TIGIT: variants seen among roughly 807,000 people sequenced by gnomAD.
TIGIT encodes the protein T-cell immunoreceptor with Ig and ITIM domains.
A neutral mutation model predicts 19.6 loss-of-function variants in TIGIT; 11 were observed. That is an observed-to-expected ratio of 0.56 (90% confidence interval 0.35 to 0.93). The LOEUF (loss-of-function observed/expected upper bound fraction) is 0.93, where lower values mean the gene tolerates loss of function less well. Ranked by LOEUF, TIGIT falls within the 40% of genes least tolerant of loss-of-function variation. The pLI, the probability that TIGIT is intolerant of heterozygous loss-of-function variation, is 0.01. For synonymous variants in TIGIT, 130 were observed against 125.5 expected, an observed-to-expected ratio of 1.04 and a Z score of -0.24; for missense variants, 295 against 303.9, an observed-to-expected ratio of 0.97 and a Z score of 0.22.
At chr3:114,294,468 G>A (rs1026166451) in intron 1 of TIGIT, among the ~76,000 whole-genome samples, 30 of 152,254 alleles carry the variant, frequency 2.0e-4, no homozygotes, top group Admixed American at 1.8e-3. Flanking sequence ...CTTTTCTGTT[G>A]CCTTTCAGGA....
intron 3 of TIGIT, among the ~76,000 whole-genome samples, chr3:114,306,080 G>C (rs1257142931): frequency 1.3e-5 from 2 of 152,068 alleles, no homozygotes; most frequent in African/African-American, 4.8e-5. Context: ...AAGGCTAAGG[G>C]CCTGAAAACC....
chr3:114,303,558 T>C (rs1166945275), intron 3 of TIGIT, among the ~76,000 whole-genome samples: 11 of 5,792 alleles, frequency 1.9e-3, no homozygotes, highest in Non-Finnish European at 6.0e-3. Flanking sequence ...TATGTATATA[T>C]ATATACATAT....
intron 3 of TIGIT, among the ~76,000 whole-genome samples, 155 bp downstream of exon 3, chr3:114,299,858 C>A (rs2078481486): frequency 6.6e-6 from 1 of 152,158 alleles, no homozygotes; most frequent in African/African-American, 2.4e-5. Context: ...CCTATTAGTG[C>A]AGTTATTTAT....
chr3:114,295,415 A>G (rs1228630967), intron 1 of TIGIT, 130 bp from the exon 2 acceptor site: 9 of 716,786 alleles, frequency 1.3e-5, no homozygotes, highest in African/African-American at 1.2e-4. Flanking sequence ...ATGGAGGAGC[A>G]ACAGGATGGA....
chr3:114,299,561 C>A, intron 2 of TIGIT, 36 bp from the exon 3 acceptor site: 1 of 1,512,734 alleles, frequency 6.6e-7, no homozygotes, highest in Non-Finnish European at 9.2e-7. Flanking sequence ...TCACTTCTGG[C>A]TTCTGCCACT....
Position 114,308,966 on chromosome 3 carries a change from A to G in TIGIT, c.*835A>G, listed in dbSNP as rs1453599946. The stretch of plus-strand genomic sequence containing the variant: ...TTCAAGTTTCCTTTTGCTGTGACAT[A>G]CTCATCCATTAGACAGCCTGATACA... On this transcript the variant is annotated 3_prime_UTR_variant, in exon 4 of 4. Coordinates refer to ENST00000383671, the MANE Select transcript of TIGIT (RefSeq NM_173799.4). 6.6e-6 allele frequency: 1 copy of G among 152,092 alleles called. No individual in the cohort carries two copies. Among genetic ancestry groups the G allele is most frequent in the Non-Finnish European group, 1.5e-5 (1 of 68,028 alleles). 9.4% of individuals were successfully genotyped at this position (152,092 alleles called of 1,614,324 possible).
chr3:114,294,219 G>A, intron 1 of TIGIT, 97 bp downstream of exon 1: 1 of 899,022 alleles, frequency 1.1e-6, no homozygotes. Context: ...CCAAGAGCAT[G>A]CCACAGCTGC....
rs2078549766 is a variant in TIGIT at position 114,308,341 on chromosome 3, G to C, written c.*210G>C. On this transcript the variant is annotated 3_prime_UTR_variant, in exon 4 of 4. Transcript: ENST00000383671. ...CATTTTGCATTATGGCAGGCCTAGG[G>C]TGAGTAACGTGGATCTTGATCATAA... 6.0e-6 allele frequency: 3 copies of C among 502,582 alleles called. No individual in the cohort carries two copies. Among genetic ancestry groups the C allele is most frequent in the South Asian group, 3.0e-5 (1 of 33,320 alleles). The allele number at this position is 502,582 out of a possible 1,614,324, so 31.1% of individuals were successfully genotyped here.
In TIGIT at chr3:114,295,700, T is replaced by G. The variant is rs757591394; in HGVS notation, c.217T>G (p.Leu73Val). Residue 73 changes from leucine (L) to valine (V), a missense_variant, in exon 2 of 4, where the codon TTG becomes GTG. Leu to Val is a conservative substitution (Grantham distance 32). Transcript: ENST00000383671. ...DQLLAICNADLGWHISPSFKD... is the reference protein window; with the variant it reads ...DQLLAICNADVGWHISPSFKD... ...GCTTCTGGCCATTTGTAATGCTGAC[T>G]TGGGGTGGCACATCTCCCCATCCTT... The G allele has an allele frequency of 5.6e-6, 9 of 1,614,084 alleles. No individual in the cohort carries two copies. In the African/African-American group the frequency reaches 6.7e-5, roughly 12 times the overall value.
intron 2 of TIGIT, among the ~76,000 whole-genome samples, chr3:114,297,575 T>C (rs1468775832): frequency 1.3e-5 from 2 of 151,064 alleles, no homozygotes; most frequent in Non-Finnish European, 3.0e-5. Flanking sequence ...AGGGAGGGAG[T>C]TCATCAGGCA....
rs1474404755 is a variant in TIGIT, at chr3:114,295,602, C to T, written c.119C>T (p.Ser40Phe). 6.2e-7 allele frequency: 1 copy of T among 1,614,194 alleles called. No homozygotes were observed. The highest frequency in any genetic ancestry group is 8.5e-7 in the Non-Finnish European group (1 of 1,180,032). The change falls in exon 2 of 4, where the codon TCT (serine) becomes TTT (phenylalanine). Residue 40 changes from serine to phenylalanine, a missense_variant. Transcript: ENST00000383671. ...AACATTTCTGCAGAGAAAGGTGGCT[C>T]TATCATCTTACAATGTCACCTCTCC... Reference protein sequence around the residue: ...TGNISAEKGGSIILQCHLSST... With the variant: ...TGNISAEKGGFIILQCHLSST...
intron 2 of TIGIT, among the ~76,000 whole-genome samples, chr3:114,298,665 G>A (rs1438981653): frequency 6.6e-6 from 1 of 152,204 alleles, no homozygotes; most frequent in African/African-American, 2.4e-5. Context: ...CTCAAGGCAG[G>A]AGGAACATGT....
intron 3 of TIGIT, 46 bp from the exon 4 acceptor site, chr3:114,307,849 T>G: frequency 6.5e-7 from 1 of 1,538,402 alleles, no homozygotes; most frequent in Non-Finnish European, 9.0e-7. Flanking sequence ...GATTAACTGT[T>G]GAATAACATC....
At chr3:114,299,726 G>T in intron 3 of TIGIT, 23 bp downstream of exon 3, 1 of 1,511,516 alleles carries the variant, frequency 6.6e-7, no homozygotes. Flanking sequence ...GCTGCACACC[G>T]CAGTCATGGG....
At position 114,308,237 on chromosome 3, in the gene TIGIT, A is replaced by T. The variant is rs370636006; in HGVS notation, c.*106A>T. 4.2e-6 allele frequency: 2 copies of T among 479,412 alleles called. No homozygotes were observed. Among genetic ancestry groups the T allele is most frequent in the Non-Finnish European group, 7.4e-6 (2 of 270,900 alleles). 29.7% of individuals were successfully genotyped at this position (479,412 alleles called of 1,614,324 possible). The stretch of plus-strand genomic sequence containing the variant: ...GTGCTGCGTGTGTGTGTGTGTGTGT[A>T]TGTGTGTGTGTGTTCAGTTGAGTGA... On this transcript the variant is annotated 3_prime_UTR_variant, in exon 4 of 4. Transcript: ENST00000383671.
chr3:114,298,809 T>G lies in TIGIT; in HGVS notation c.392-788T>G, dbSNP rs1238597796. On this transcript the variant is annotated intron_variant, in intron 2 of 3. Transcript: ENST00000383671. ...CTGCTGCATCCTTTGAAGACTCCCCTGGATACCTGAGCCCTACCTGAGCTG... is the reference window on the plus strand; with the variant it reads ...CTGCTGCATCCTTTGAAGACTCCCCGGGATACCTGAGCCCTACCTGAGCTG... 2.0e-5 allele frequency among the ~76,000 whole-genome samples: 3 copies of G among 152,320 alleles called. No homozygotes were observed. In the East Asian group the frequency reaches 5.8e-4, roughly 29 times the overall value.
Position 114,299,593 on chromosome 3 carries a change from C to G in TIGIT, c.392-4C>G, listed in dbSNP as rs749509354. ...CACTCATCTCTGTTTTGTCCTCCCT[C>G]TAGTGGCTGAGCACGGTGCCAGGTT... is the stretch of plus-strand genomic sequence containing the variant. On this transcript the variant is annotated splice_polypyrimidine_tract_variant and splice_region_variant and intron_variant, in intron 2 of 3. Coordinates refer to ENST00000383671, the MANE Select transcript of TIGIT (RefSeq NM_173799.4). The G allele has an allele frequency of 6.2e-7, 1 of 1,610,466 alleles. No individual in the cohort carries two copies. The highest frequency in any genetic ancestry group is 1.7e-5 in the Admixed American group (1 of 60,028).
intron 3 of TIGIT, among the ~76,000 whole-genome samples, chr3:114,302,692 G>A (rs1004572511): frequency 3.3e-5 from 5 of 152,296 alleles, no homozygotes; most frequent in Non-Finnish European, 7.4e-5. Flanking sequence ...GCCTATAGAG[G>A]AGAGATGCCA....
intron 2 of TIGIT, 46 bp downstream of exon 2, chr3:114,295,920 A>G (rs1429664086): frequency 2.7e-6 from 4 of 1,475,262 alleles, no homozygotes; most frequent in South Asian, 2.6e-5. Context: ...TCCCTCTAGC[A>G]TAGAAAATGC....
Sources: gnomAD v4.1 joint callset for allele counts (sites outside exome capture counted in the v4.1 genomes callset) on GRCh38, gnomAD v4.1.1 for gene constraint, MANE v1.5 for transcripts, NCBI Gene and HGNC (gene_info 2026-07-23, HGNC 2026-07-21) for gene names.